Variants in STAG2 observed in about 807,000 individuals in gnomAD.
STAG2 encodes STAG2 cohesin complex component, also known as cohesin subunit SA-2.
In STAG2, 14 loss-of-function variants were observed where a neutral mutation model predicts 108.1. That is an observed-to-expected ratio of 0.13 (90% CI 0.09 to 0.20). The LOEUF is 0.20. Ranked by LOEUF, STAG2 falls within the 10% of genes least tolerant of loss-of-function variation. The pLI is 1.00. For missense variants in STAG2, 440 were observed against 940.9 expected (o/e 0.47, Z 6.96); for synonymous variants, 307 against 302.7 (o/e 1.01, Z -0.15).
rs766362948 is a variant in STAG2, at chrX:124,081,490, T to C, written c.2886T>C (p.Asp962=). 8.4e-7 allele frequency: 1 copy of C among 1,196,450 alleles called. No individual in the cohort carries two copies. Among genetic ancestry groups the C allele is most frequent in the South Asian group, 1.9e-5 (1 of 53,347 alleles). The change falls in exon 28 of 35, where the codon GAT becomes GAC. Residue 962 remains aspartate (D), a synonymous_variant. Transcript: ENST00000371145. ...GTTTTGCTTTAACTTTTGGACTTGA[T>C]CAGTTGAAAACAAGAGAAGCCATTG... ...ARRFALTFGL[D]QLKTREAIAM...
intron 3 of STAG2, among the ~76,000 whole-genome samples, chrX:124,023,087 C>G (rs2056983624): frequency 8.9e-6 from 1 of 112,320 alleles, no homozygotes; most frequent in African/African-American, 3.2e-5. Context: ...AAATAAGTTA[C>G]ATGTATATTG....
intron 1 of STAG2, among the ~76,000 whole-genome samples, chrX:124,018,567 C>G (rs1428105948): frequency 1.8e-5 from 2 of 110,951 alleles, no homozygotes; most frequent in Non-Finnish European, 3.8e-5. Context: ...ATGGTGTGAT[C>G]ATGGCTCACT....
At chrX:124,026,862 T>C (rs910849466) in intron 4 of STAG2, among the ~76,000 whole-genome samples, 2 of 112,009 alleles carry the variant, frequency 1.8e-5, no homozygotes, top group African/African-American at 6.5e-5. Context: ...AAAACTCTCT[T>C]TTATTTTTTT....
At chrX:124,046,843 T>TA (rs1422085679) in intron 8 of STAG2, among the ~76,000 whole-genome samples, 3 of 112,102 alleles carry the variant, frequency 2.7e-5, no homozygotes, top group Non-Finnish European at 3.8e-5. Context: ...GGAAAGCAAA[T>TA]ACTGATAAAA....
intron 27 of STAG2, 52 bp downstream of exon 27, chrX:124,078,110 A>G (rs1424651807): frequency 6.7e-6 from 6 of 889,813 alleles, no homozygotes; most frequent in Admixed American, 6.1e-5. Context: ...CCTAATAGTT[A>G]GCAAAATAAG....
chrX:124,073,821 T>G, intron 25 of STAG2, among the ~76,000 whole-genome samples: 1 of 111,702 alleles, frequency 9.0e-6, no homozygotes, highest in Non-Finnish European at 1.9e-5. Flanking sequence ...TTGTCAAATT[T>G]AGCTGTGTTT....
intron 6 of STAG2, among the ~76,000 whole-genome samples, chrX:124,040,854 CTTTTTTT>C (rs1163780101): frequency 3.9e-5 from 3 of 76,645 alleles, no homozygotes; most frequent in Non-Finnish European, 7.2e-5. Flanking sequence ...CCTCTTCTCT[CTTTTTTT>C]TTTTTTTTTT....
intron 27 of STAG2, among the ~76,000 whole-genome samples, chrX:124,078,940 G>A (rs1446873807): frequency 1.9e-5 from 2 of 108,057 alleles, no homozygotes; most frequent in African/African-American, 3.4e-5. Flanking sequence ...CTGCACTCCA[G>A]CCTGGGCGAC....
chrX:123,977,163 T>G (rs899070737), intron 1 of STAG2, among the ~76,000 whole-genome samples: 2 of 112,371 alleles, frequency 1.8e-5, no homozygotes, highest in South Asian at 7.3e-4. Context: ...GTAGTGATGA[T>G]AAAGTTTCTT....
At chrX:124,007,462 G>A (rs955648203) in intron 1 of STAG2, among the ~76,000 whole-genome samples, 4 of 110,391 alleles carry the variant, frequency 3.6e-5, no homozygotes, top group Non-Finnish European at 7.6e-5. Flanking sequence ...TTTCCAATTT[G>A]TCTTTAATTT....
At position 124,063,897 on chromosome X, in the gene STAG2, C is replaced by A; in HGVS notation, c.1871C>A (p.Thr624Lys). ...RQIRNIVEKH[T>K]DTDVLEACSK... Reference sequence around the variant, plus strand: ...ATCCGGAATATTGTAGAGAAGCACACAGATACAGATGTTTTGGAAGCATGT... The same window carrying A: ...ATCCGGAATATTGTAGAGAAGCACAAAGATACAGATGTTTTGGAAGCATGT... The change falls in exon 20 of 35, where the codon ACA becomes AAA. Residue 624 changes from threonine (T) to lysine (K), a missense_variant. Coordinates refer to ENST00000371145, the MANE Select transcript of STAG2 (RefSeq NM_001042750.2). 8.3e-7 allele frequency: 1 copy of A among 1,210,600 alleles called. No homozygotes were observed. Among genetic ancestry groups the A allele is most frequent in the Non-Finnish European group, 1.1e-6 (1 of 894,628 alleles).
intron 13 of STAG2, among the ~76,000 whole-genome samples, chrX:124,055,150 T>C (rs2058157944): frequency 8.9e-6 from 1 of 112,022 alleles, no homozygotes. Flanking sequence ...TTGAAATCAG[T>C]GTGCTTTTGA....
chrX:123,964,160 A>G (rs1172462983), intron 1 of STAG2, among the ~76,000 whole-genome samples: 1 of 110,766 alleles, frequency 9.0e-6, no homozygotes, highest in African/African-American at 3.3e-5. Flanking sequence ...TCTTGGGGGT[A>G]ATGACTTAAG....
Position 124,061,810 on chromosome X carries a change from T to C in STAG2, c.1574T>C (p.Met525Thr). The change falls in exon 17 of 35, where the codon ATG becomes ACG. Residue 525 changes from methionine (M) to threonine (T), a missense_variant. This residue lies in a region of STAG2 where 337 missense variants were observed against 649.3 expected (regional missense o/e 0.52). Coordinates refer to ENST00000371145, the MANE Select transcript of STAG2 (RefSeq NM_001042750.2). Reference protein sequence around the residue: ...DRQESALIEIMLCTIRQAAEC... With the variant: ...DRQESALIEITLCTIRQAAEC... Reference sequence around the variant, plus strand: ...CAAGAGAGTGCTCTGATTGAAATAATGCTTTGTACCATTAGACAAGCGGCT... The same window carrying C: ...CAAGAGAGTGCTCTGATTGAAATAACGCTTTGTACCATTAGACAAGCGGCT... 8.6e-7 allele frequency: 1 copy of C among 1,167,909 alleles called. No homozygotes were observed. The highest frequency in any genetic ancestry group is 1.9e-5 in the South Asian group (1 of 53,815).
chrX:124,028,814 ATATATATATTTT>A (rs1013291252), intron 4 of STAG2, among the ~76,000 whole-genome samples: 13 of 88,512 alleles, frequency 1.5e-4, no homozygotes, highest in African/African-American at 5.8e-4. Flanking sequence ...ATATATATAT[ATATATATATTTT>A]TTTTTTTATA....
chrX:124,068,417 T>A (rs1418867319), intron 23 of STAG2, 147 bp from the exon 24 acceptor site: 1 of 400,159 alleles, frequency 2.5e-6, no homozygotes, highest in Non-Finnish European at 4.2e-6. Context: ...TCATTTCTTA[T>A]AAATTATAAG....
chrX:123,991,461 T>C (rs1185464905), intron 1 of STAG2, among the ~76,000 whole-genome samples: 1 of 109,263 alleles, frequency 9.2e-6, no homozygotes, highest in Non-Finnish European at 1.9e-5. Context: ...CAAATGATTC[T>C]CCTGCCTCAG....
chrX:124,061,437 T>G (rs953890241), intron 16 of STAG2, 96 bp downstream of exon 16: 3 of 645,141 alleles, frequency 4.7e-6, no homozygotes, highest in Non-Finnish European at 7.2e-6. Context: ...TAAGACAATT[T>G]GATAGAAAAA....
chrX:123,993,288 A>G (rs1402732147), intron 1 of STAG2, among the ~76,000 whole-genome samples: 1 of 111,530 alleles, frequency 9.0e-6, no homozygotes, highest in Non-Finnish European at 1.9e-5. Flanking sequence ...ACTCTACACA[A>G]AAAACAATTT....
Sources: allele counts gnomAD v4.1 joint callset (sites outside exome capture counted in the v4.1 genomes callset), GRCh38; gene constraint gnomAD v4.1.1; regional missense constraint gnomAD v4.1.1; transcripts MANE v1.5; gene names NCBI Gene and HGNC (gene_info 2026-07-23, HGNC 2026-07-21).